Variants in ZSCAN20 observed in about 807,000 individuals in gnomAD.
ZSCAN20 encodes zinc finger and SCAN domain-containing protein 20.
Under a neutral mutation model 97.1 loss-of-function variants are expected in ZSCAN20, and 39 were observed. That is an observed-to-expected ratio of 0.40 (90% CI 0.31 to 0.52). The LOEUF (loss-of-function observed/expected upper bound fraction) is 0.52. Among genes scored for constraint, ZSCAN20 ranks in the 20% least tolerant of loss-of-function variants. ZSCAN20 has a pLI of 0.49. For missense variants in ZSCAN20, 1,115 were observed against 1,290.4 expected, an observed-to-expected ratio of 0.86 and a Z score of 2.08; for synonymous variants, 456 against 467.3, an observed-to-expected ratio of 0.98 and a Z score of 0.31.
At position 33,499,422 on chromosome 1, in the gene ZSCAN20, GC is replaced by G. The variant is rs1652985194; in HGVS notation, c.*3948del. On this transcript the variant is annotated 3_prime_UTR_variant, in exon 8 of 8. Transcript: ENST00000684572. ...ACTTCCAGATCTGTGTCCTGCTGTG[GC>G]CTCTCCTCTTAGGATCCCAGCTGCC... 6.6e-6 allele frequency among the ~76,000 whole-genome samples: 1 copy of G among 151,706 alleles called. No individual in the cohort carries two copies. Among genetic ancestry groups the G allele is most frequent in the African/African-American group, 2.4e-5 (1 of 41,266 alleles).
At chr1:33,473,569 C>G (rs1651811430) in intron 1 of ZSCAN20, among the ~76,000 whole-genome samples, 1 of 152,144 alleles carries the variant, frequency 6.6e-6, no homozygotes, top group Non-Finnish European at 1.5e-5. Context: ...TCCTCGTTTC[C>G]TGGGTAGGCC....
intron 1 of ZSCAN20, among the ~76,000 whole-genome samples, chr1:33,474,085 A>C (rs1192038596): frequency 6.6e-6 from 1 of 152,194 alleles, no homozygotes; most frequent in Non-Finnish European, 1.5e-5. Flanking sequence ...CAGGGGTGAC[A>C]AATACATGGA....
At chr1:33,475,417 A>G (rs1651882184) in intron 1 of ZSCAN20, among the ~76,000 whole-genome samples, 1 of 152,232 alleles carries the variant, frequency 6.6e-6, no homozygotes, top group Admixed American at 6.5e-5. Context: ...CCTTTCAATA[A>G]ATAAACTAAT....
rs1652878199 is a variant in ZSCAN20, at chr1:33,496,795, T to C, written c.*1319T>C. On this transcript the variant is annotated 3_prime_UTR_variant, in exon 8 of 8. Coordinates refer to ENST00000684572, the MANE Select transcript of ZSCAN20 (RefSeq NM_001377376.1). Reference sequence around the variant, plus strand: ...GACCACTGTTCTGTGTACCAGGTTCTTGGCACAATTTTACCCTGAGCCATC... The same window carrying C: ...GACCACTGTTCTGTGTACCAGGTTCCTGGCACAATTTTACCCTGAGCCATC... Among the ~76,000 whole-genome samples the C allele has an allele frequency of 6.6e-6, 1 of 152,206 alleles. No homozygotes were observed. Among genetic ancestry groups the C allele is most frequent in the Non-Finnish European group, 1.5e-5 (1 of 68,028 alleles).
chr1:33,490,317 C>T (rs1470980229), intron 5 of ZSCAN20, among the ~76,000 whole-genome samples: 1 of 152,156 alleles, frequency 6.6e-6, no homozygotes, highest in Non-Finnish European at 1.5e-5. Context: ...CTCTTTAAAC[C>T]CTTTTCATCT....
intron 5 of ZSCAN20, 45 bp from the exon 6 acceptor site, chr1:33,490,980 G>C: frequency 6.6e-7 from 1 of 1,518,002 alleles, no homozygotes; most frequent in Non-Finnish European, 8.8e-7. Flanking sequence ...CAAACATGCC[G>C]CTCAACAGAC....
intron 2 of ZSCAN20, among the ~76,000 whole-genome samples, chr1:33,483,692 AAAAC>A (rs944698038): frequency 6.6e-5 from 10 of 151,802 alleles, no homozygotes; most frequent in South Asian, 4.2e-4. Flanking sequence ...AAAAAAAAGA[AAAAC>A]AAACGAACAA....
rs1476552431 is a variant in ZSCAN20 at position 33,494,445 on chromosome 1, C to G, written c.2101C>G (p.Gln701Glu). 6.2e-7 allele frequency: 1 copy of G among 1,613,656 alleles called. No individual in the cohort carries two copies. The highest frequency in any genetic ancestry group is 8.5e-7 in the Non-Finnish European group (1 of 1,179,792). ...GGACTTAGAAAAACTTATTGACCAT[C>G]AAGGCCTGTACCTTGCAGAGAAACC... is the stretch of plus-strand genomic sequence containing the variant. ...EEDLEKLIDHQGLYLAEKPYK... is the reference protein window; with the variant it reads ...EEDLEKLIDHEGLYLAEKPYK... Residue 701 changes from glutamine to glutamate, a missense_variant, in exon 8 of 8, where the codon CAA becomes GAA. Coordinates refer to ENST00000684572, the MANE Select transcript of ZSCAN20 (RefSeq NM_001377376.1).
At chr1:33,474,796 CT>C (rs1651858616) in intron 1 of ZSCAN20, among the ~76,000 whole-genome samples, 1 of 152,230 alleles carries the variant, frequency 6.6e-6, no homozygotes, top group African/African-American at 2.4e-5. Context: ...ATATGTTCCC[CT>C]GGCACTCTAT....
At position 33,479,276 on chromosome 1, in the gene ZSCAN20, T is replaced by C. The variant is rs1262072761; in HGVS notation, c.-13T>C. The C allele has an allele frequency of 6.3e-7, 1 of 1,583,994 alleles. No individual in the cohort carries two copies. Among genetic ancestry groups the C allele is most frequent in the Non-Finnish European group, 8.6e-7 (1 of 1,163,338 alleles). On this transcript the variant is annotated 5_prime_UTR_variant, in exon 2 of 8. Transcript: ENST00000684572. ...AGGTCAGCATAGCTGAAGTGAGGTG[T>C]CTGGGTTAGACAATGGCTATGGCCC... is the stretch of plus-strand genomic sequence containing the variant.
At position 33,487,617 on chromosome 1, in the gene ZSCAN20, C is replaced by T. The variant is rs550065495; in HGVS notation, c.418-848C>T. Among the ~76,000 whole-genome samples, 10 of 151,938 alleles carry T rather than the reference C, an allele frequency of 6.6e-5. No individual in the cohort carries two copies. In the East Asian group the frequency reaches 1.4e-3, roughly 21 times the overall value. Reference sequence around the variant, plus strand: ...TCCTTCTATTGTAAGATTAACAACACGTACTTTTATCTCATTTTAAAATTC... The same window carrying T: ...TCCTTCTATTGTAAGATTAACAACATGTACTTTTATCTCATTTTAAAATTC... On this transcript the variant is annotated intron_variant, in intron 2 of 7. Coordinates refer to ENST00000684572, the MANE Select transcript of ZSCAN20 (RefSeq NM_001377376.1).
Position 33,491,011 on chromosome 1 carries a change from T to C in ZSCAN20, c.767-14T>C. ...CAGACCATTTCTACTCTGTCATTTC[T>C]CTTCCTTTTGTAGGAGTTCCAGTTT... On this transcript the variant is annotated splice_polypyrimidine_tract_variant and intron_variant, in intron 5 of 7. Transcript: ENST00000684572. The surrounding 1 kb of genome is among the most constrained non-coding windows in gnomAD (Gnocchi z 4.3). The C allele has an allele frequency of 6.3e-7, 1 of 1,582,698 alleles. No homozygotes were observed. Among genetic ancestry groups the C allele is most frequent in the Non-Finnish European group, 8.6e-7 (1 of 1,167,296 alleles).
Position 33,493,445 on chromosome 1 carries a change from T to C in ZSCAN20, c.1703T>C (p.Leu568Pro). 6.2e-7 allele frequency: 1 copy of C among 1,614,160 alleles called. No homozygotes were observed. Among genetic ancestry groups the C allele is most frequent in the African/African-American group, 1.3e-5 (1 of 75,026 alleles). Residue 568 changes from leucine (L) to proline (P), a missense_variant, in exon 7 of 8, where the codon CTG becomes CCG. By Grantham distance (98) the Leu-to-Pro change is moderately conservative. Around this residue, in one of 3 missense-constraint regions of ZSCAN20, gnomAD observed 554 missense variants for 584.9 expected, o/e 0.95. Coordinates refer to ENST00000684572, the MANE Select transcript of ZSCAN20 (RefSeq NM_001377376.1). This position sits in a 1 kb window ranked among gnomAD's most constrained non-coding sequence, Gnocchi z 4.3. Reference protein sequence around the residue: ...TCPFYEELDSLMRARAAVRAM... With the variant: ...TCPFYEELDSPMRARAAVRAM... Reference sequence around the variant, plus strand: ...CCTTTCTATGAGGAACTGGACTCGCTGATGAGGGCTCGGGCTGCAGTCAGG... The same window carrying C: ...CCTTTCTATGAGGAACTGGACTCGCCGATGAGGGCTCGGGCTGCAGTCAGG...
At chr1:33,494,031 C>A (rs1652732171) in intron 7 of ZSCAN20, among the ~76,000 whole-genome samples, 187 bp from the exon 8 acceptor site, 1 of 152,202 alleles carries the variant, frequency 6.6e-6, no homozygotes, top group African/African-American at 2.4e-5. Context: ...TTGCAGGTCA[C>A]AAACACTTGT....
chr1:33,491,428 C>G lies in ZSCAN20; in HGVS notation c.1170C>G (p.Ala390=). The stretch of plus-strand genomic sequence containing the variant: ...ACCTCCTACGGAATTACCGGAAAGC[C>G]AAGAGCAGCCACCCACCAGGTACCT... ...VKNLLRNYRK[A]KSSHPPGTCP... is the part of the protein sequence containing the mutation. The change falls in exon 6 of 8, where the codon GCC becomes GCG. Residue 390 remains alanine (A), a synonymous_variant. Coordinates refer to ENST00000684572, the MANE Select transcript of ZSCAN20 (RefSeq NM_001377376.1). This position sits in a 1 kb window ranked among gnomAD's most constrained non-coding sequence, Gnocchi z 4.3. 6.2e-7 allele frequency: 1 copy of G among 1,614,202 alleles called. No individual in the cohort carries two copies. Among genetic ancestry groups the G allele is most frequent in the African/African-American group, 1.3e-5 (1 of 75,044 alleles).
At chr1:33,489,819 T>G (rs1194546469) in intron 5 of ZSCAN20, among the ~76,000 whole-genome samples, 1 of 152,142 alleles carries the variant, frequency 6.6e-6, no homozygotes, top group Non-Finnish European at 1.5e-5. Flanking sequence ...GCCTGCCCTC[T>G]CTGGGCACAT....
chr1:33,490,662 C>CAT (rs1652560448), intron 5 of ZSCAN20, among the ~76,000 whole-genome samples: 4 of 55,586 alleles, frequency 7.2e-5, no homozygotes, highest in Admixed American at 1.3e-4. Context: ...CACACACACA[C>CAT]ACACACACAC....
rs185588276 is a variant in ZSCAN20 at position 33,497,306 on chromosome 1, G to A, written c.*1830G>A. ...CCCACGTTATCTCTGCGGGGCAGGG[G>A]TCATGGGATGAACCCTGGATAGAAG... On this transcript the variant is annotated 3_prime_UTR_variant, in exon 8 of 8. Coordinates refer to ENST00000684572, the MANE Select transcript of ZSCAN20 (RefSeq NM_001377376.1). Among the ~76,000 whole-genome samples the A allele has an allele frequency of 3.9e-5, 6 of 152,320 alleles. No homozygotes were observed. The East Asian group carries it at 1.2e-3, about 29-fold the overall frequency.
chr1:33,484,090 AGAAGTTTT>A (rs1652260436), intron 2 of ZSCAN20, among the ~76,000 whole-genome samples: 1 of 152,204 alleles, frequency 6.6e-6, no homozygotes. Context: ...ATTAGTTCCC[AGAAGTTTT>A]TTTTGTTGAT....
Sources: allele counts gnomAD v4.1 joint callset (sites outside exome capture counted in the v4.1 genomes callset), GRCh38; gene constraint gnomAD v4.1.1; regional missense constraint gnomAD v4.1.1; non-coding constraint Gnocchi (gnomAD v3.1); transcripts MANE v1.5; gene names NCBI Gene and HGNC (gene_info 2026-07-23, HGNC 2026-07-21).